The following RHBDD1 variants were observed in gnomAD, a reference collection of about 807,000 sequenced individuals.
RHBDD1 encodes the protein rhomboid-related protein 4.
A neutral mutation model predicts 36.3 loss-of-function variants in RHBDD1; 38 were observed. The observed-to-expected ratio is 1.05, with a 90% CI of 0.81 to 1.37. The LOEUF is 1.37. RHBDD1 is among the 40% of genes most tolerant of loss of function. RHBDD1 has a pLI of 0.00. For synonymous variants in RHBDD1, 151 were observed against 136.5 expected (o/e 1.11, Z -0.74); for missense variants, 393 against 377.6 (o/e 1.04, Z -0.34).
At chr2:226,803,074 A>G in the RHBDD1 span, among the ~76,000 whole-genome samples, 1 of 152,254 alleles carries the variant, frequency 6.6e-6, no homozygotes, top group Non-Finnish European at 1.5e-5. Flanking sequence ...TGGAGGAGCT[A>G]TTTAAATACT....
chr2:226,919,705 A>G (rs1203964394), intron 8 of RHBDD1, among the ~76,000 whole-genome samples: 4 of 152,128 alleles, frequency 2.6e-5, no homozygotes, highest in Middle Eastern at 3.4e-3. Flanking sequence ...TGCCAGTACC[A>G]TGGTCTTTTG....
chr2:226,930,285 G>A (rs1243622913), intron 8 of RHBDD1, among the ~76,000 whole-genome samples: 1 of 152,036 alleles, frequency 6.6e-6, no homozygotes, highest in South Asian at 2.1e-4. Context: ...AACTAAAACA[G>A]CATGGTACTG....
At chr2:226,916,826 A>G (rs1042419351) in intron 8 of RHBDD1, among the ~76,000 whole-genome samples, 1 of 152,194 alleles carries the variant, frequency 6.6e-6, no homozygotes, top group African/African-American at 2.4e-5. Context: ...AAGGGTTGCT[A>G]TATGCCCCCA....
the RHBDD1 span, among the ~76,000 whole-genome samples, chr2:226,801,097 G>A: frequency 6.6e-6 from 1 of 152,176 alleles, no homozygotes; most frequent in Non-Finnish European, 1.5e-5. Flanking sequence ...TGGGGTTGCC[G>A]CCCCTTTACT....
At chr2:226,821,596 T>C in the RHBDD1 span, among the ~76,000 whole-genome samples, 1 of 151,944 alleles carries the variant, frequency 6.6e-6, no homozygotes, top group Non-Finnish European at 1.5e-5. Flanking sequence ...ATAGACATCA[T>C]AACACAAAAT....
intron 5 of RHBDD1, among the ~76,000 whole-genome samples, chr2:226,871,337 G>C (rs1187698485): frequency 6.6e-6 from 1 of 152,094 alleles, no homozygotes; most frequent in Non-Finnish European, 1.5e-5. Context: ...AAAAACTTCA[G>C]CAGGCATCTG....
At chr2:226,963,473 T>C (rs933048568) in intron 8 of RHBDD1, among the ~76,000 whole-genome samples, 2 of 152,238 alleles carry the variant, frequency 1.3e-5, no homozygotes, top group African/African-American at 4.8e-5. Flanking sequence ...TATTCATGGA[T>C]TTAACATTTG....
At chr2:226,802,694 G>A in the RHBDD1 span, among the ~76,000 whole-genome samples, 1 of 152,208 alleles carries the variant, frequency 6.6e-6, no homozygotes, top group East Asian at 1.9e-4. Context: ...GTTGCTCAAT[G>A]CTGCCATCTA....
chr2:226,916,851 G>A (rs902496405), intron 8 of RHBDD1, among the ~76,000 whole-genome samples: 2 of 152,162 alleles, frequency 1.3e-5, no homozygotes, highest in African/African-American at 4.8e-5. Context: ...TAATTATACA[G>A]GAAGTTAGTA....
intron 5 of RHBDD1, among the ~76,000 whole-genome samples, chr2:226,885,432 A>G (rs1946123858): frequency 6.6e-6 from 1 of 152,202 alleles, no homozygotes; most frequent in African/African-American, 2.4e-5. Flanking sequence ...CCAATAGTAC[A>G]TGACTCAATA....
At chr2:226,817,508 C>T in the RHBDD1 span, among the ~76,000 whole-genome samples, 1 of 152,196 alleles carries the variant, frequency 6.6e-6, no homozygotes, top group Non-Finnish European at 1.5e-5. Flanking sequence ...CAACCATAAA[C>T]TGGAAGCTAA....
At position 226,865,637 on chromosome 2, in the gene RHBDD1, T is replaced by A. The variant is rs191635429; in HGVS notation, c.433+511T>A. On this transcript the variant is annotated intron_variant, in intron 4 of 8. Transcript: ENST00000392062. ...AGCCCATCTTCAAGGCTCAAAAAGC[T>A]GCCTAGGGCTGTTGGAGTCTTCACT... Among the ~76,000 whole-genome samples the A allele has an allele frequency of 3.3e-5, 5 of 152,286 alleles. No individual in the cohort carries two copies. The East Asian group carries it at 9.7e-4, about 29-fold the overall frequency.
At chr2:226,951,879 C>A (rs963531762) in intron 8 of RHBDD1, among the ~76,000 whole-genome samples, 2 of 152,140 alleles carry the variant, frequency 1.3e-5, no homozygotes, top group African/African-American at 4.8e-5. Context: ...TGCATGTATC[C>A]AAGGACTACA....
rs143790840 is a variant in RHBDD1, at chr2:226,944,557, G to A, written c.856+30206G>A. On this transcript the variant is annotated intron_variant, in intron 8 of 8. Transcript: ENST00000392062. ...CTTTCTCTGCTGTTTGCAGTTACAC[G>A]AATAGACAACTACTTAACACTTAAA... Among the ~76,000 whole-genome samples, 562 of 152,200 alleles carry A rather than the reference G, an allele frequency of 3.7e-3. 4 individuals carry two copies. In the South Asian group the frequency reaches 0.043, roughly 12 times the overall value.
the RHBDD1 span, among the ~76,000 whole-genome samples, chr2:226,811,312 G>A: frequency 2.0e-5 from 3 of 151,860 alleles, no homozygotes; most frequent in African/African-American, 7.3e-5. Flanking sequence ...TTATTTTTCT[G>A]TTTTTTTGAG....
chr2:226,917,484 T>G (rs189111069), intron 8 of RHBDD1, among the ~76,000 whole-genome samples: 1 of 152,148 alleles, frequency 6.6e-6, no homozygotes, highest in African/African-American at 2.4e-5. Flanking sequence ...TTTCTGGGAT[T>G]ATTTTGAAGC....
intron 3 of RHBDD1, among the ~76,000 whole-genome samples, chr2:226,845,018 CA>C (rs1279660381): frequency 3.9e-5 from 6 of 152,152 alleles, no homozygotes; most frequent in African/African-American, 1.2e-4. Flanking sequence ...CTGATGCTGA[CA>C]TTTTTTTTTT....
chr2:226,957,438 G>C (rs774651311), intron 8 of RHBDD1, among the ~76,000 whole-genome samples: 7 of 152,060 alleles, frequency 4.6e-5, no homozygotes, highest in Non-Finnish European at 8.8e-5. Flanking sequence ...AGTGAAAAGA[G>C]GCTGGGCACA....
intron 8 of RHBDD1, among the ~76,000 whole-genome samples, chr2:226,919,110 C>T (rs182096311): frequency 8.7e-4 from 133 of 152,002 alleles, no homozygotes; most frequent in African/African-American, 3.2e-3. Flanking sequence ...CATTTGTATG[C>T]CTTCTTTTGG....
Sources: gnomAD v4.1 joint callset for allele counts (sites outside exome capture counted in the v4.1 genomes callset) on GRCh38, gnomAD v4.1.1 for gene constraint, MANE v1.5 for transcripts, NCBI Gene and HGNC (gene_info 2026-07-23, HGNC 2026-07-21) for gene names.